Variants in PRKCA observed in about 807,000 individuals in gnomAD.
PRKCA encodes protein kinase C alpha type.
PRKCA carries 27 observed loss-of-function variants against 87.0 expected under a neutral mutation model. The observed-to-expected ratio is 0.31, with a 90% confidence interval of 0.23 to 0.43. The LOEUF is 0.43. Ranked by LOEUF, PRKCA falls within the 20% of genes least tolerant of loss-of-function variation. The pLI, the probability that PRKCA is intolerant of heterozygous loss-of-function variation, is 1.00. For missense variants in PRKCA, 518 were observed against 852.3 expected (o/e 0.61, Z 4.88); for synonymous variants, 329 against 311.1 (o/e 1.06, Z -0.61).
At position 66,792,347 on chromosome 17, in the gene PRKCA, G is replaced by A. The variant is rs1975561246; in HGVS notation, c.1854+3368G>A. On this transcript the variant is annotated intron_variant, in intron 16 of 16. Transcript: ENST00000413366. This position sits in a 1 kb window ranked among gnomAD's most constrained non-coding sequence, Gnocchi z 4.5. ...GATCAGATTGAGCTTGTAGGATCAG[G>A]AGTCTATCATCTTTGTTTTATTAAT... 6.6e-6 allele frequency among the ~76,000 whole-genome samples: 1 copy of A among 152,180 alleles called. No individual in the cohort carries two copies. The highest frequency in any genetic ancestry group is 1.9e-4 in the East Asian group (1 of 5,198).
intron 3 of PRKCA, among the ~76,000 whole-genome samples, chr17:66,512,400 C>A (rs1387866812): frequency 6.6e-6 from 1 of 151,976 alleles, no homozygotes; most frequent in Non-Finnish European, 1.5e-5. Context: ...CAAGATCACA[C>A]CACTGCACTC....
rs117614644 is a variant in PRKCA at position 66,549,514 on chromosome 17, G to A, written c.288+53231G>A. 1.6e-3 allele frequency among the ~76,000 whole-genome samples: 237 copies of A among 152,246 alleles called. 4 individuals carry two copies. The East Asian group carries it at 0.038, about 24-fold the overall frequency. ...TTGGTACCTCTCCAGGCCACGGGAC[G>A]GGAATGACAGTGCATTTGCCTGTGT... On this transcript the variant is annotated intron_variant, in intron 3 of 16. Transcript: ENST00000413366.
intron 2 of PRKCA, among the ~76,000 whole-genome samples, chr17:66,390,841 G>A (rs1910319979): frequency 6.6e-6 from 1 of 152,172 alleles, no homozygotes; most frequent in African/African-American, 2.4e-5. Context: ...CCTTGGAGAG[G>A]GAGGGCGGTG....
intron 16 of PRKCA, among the ~76,000 whole-genome samples, chr17:66,799,085 G>A (rs866773920): frequency 0.19 from 137 of 738 alleles, no homozygotes; most frequent in Non-Finnish European, 0.22. Flanking sequence ...GGTGGTGGTG[G>A]TGGTGGTGGT....
intron 16 of PRKCA, 35 bp downstream of exon 16, chr17:66,789,014 C>T: frequency 6.2e-7 from 1 of 1,612,966 alleles, no homozygotes; most frequent in East Asian, 2.2e-5. Context: ...TTCGGAACCC[C>T]ATGTCCCCAA....
At chr17:66,420,097 C>T (rs770218438) in intron 2 of PRKCA, among the ~76,000 whole-genome samples, 6 of 151,528 alleles carry the variant, frequency 4.0e-5, no homozygotes, top group Non-Finnish European at 8.8e-5. Flanking sequence ...CTGCAGCCTC[C>T]GCCTCCTGAG....
chr17:66,314,520 C>T lies in PRKCA; in HGVS notation c.205+8393C>T, dbSNP rs1449507076. Among the ~76,000 whole-genome samples the T allele has an allele frequency of 2.0e-5, 3 of 152,190 alleles. No individual in the cohort carries two copies. In the East Asian group the frequency reaches 5.8e-4, roughly 29 times the overall value. ...AGATAAGAATTATTTGAGAGCAAGT[C>T]CATCAAGTAAGATTAGCGTAAGGGC... is the stretch of plus-strand genomic sequence containing the variant. On this transcript the variant is annotated intron_variant, in intron 2 of 16. Coordinates refer to ENST00000413366, the MANE Select transcript of PRKCA (RefSeq NM_002737.3).
At chr17:66,584,761 C>A (rs534039780) in intron 3 of PRKCA, among the ~76,000 whole-genome samples, 1 of 152,158 alleles carries the variant, frequency 6.6e-6, no homozygotes, top group African/African-American at 2.4e-5. Context: ...AAATCCCCTT[C>A]GTCTTTCTGA....
chr17:66,739,580 A>C (rs532442879), intron 11 of PRKCA, among the ~76,000 whole-genome samples: 16 of 152,304 alleles, frequency 1.1e-4, no homozygotes, highest in African/African-American at 3.8e-4. Flanking sequence ...CTTGCGCAGG[A>C]TACCAGGATA....
chr17:66,368,386 ATTTTTTTTTTTTT>A (rs1180540465), intron 2 of PRKCA, among the ~76,000 whole-genome samples: 2 of 25,468 alleles, frequency 7.9e-5, no homozygotes, highest in African/African-American at 2.4e-4. Flanking sequence ...ATATATATAT[ATTTTTTTTTTTTT>A]TTTTTTTTTT....
At chr17:66,777,570 CTT>C (rs1312316021) in intron 14 of PRKCA, 3 of 985,026 alleles carry the variant, frequency 3.0e-6, no homozygotes. Flanking sequence ...ATTTCCCCCT[CTT>C]TAAAATTTTT....
chr17:66,461,918 C>T (rs113153197), intron 2 of PRKCA, among the ~76,000 whole-genome samples: 4,474 of 151,766 alleles, frequency 0.029, 100 homozygotes, highest in Non-Finnish European at 0.044. Flanking sequence ...ACTGGGGTTC[C>T]TAACTACCGA....
intron 3 of PRKCA, among the ~76,000 whole-genome samples, chr17:66,521,752 G>A (rs944931749): frequency 6.6e-6 from 1 of 152,168 alleles, no homozygotes. Flanking sequence ...CAAATATCTT[G>A]TAGAGAATAA....
chr17:66,794,713 C>T (rs1975626799), intron 16 of PRKCA, among the ~76,000 whole-genome samples: 1 of 151,622 alleles, frequency 6.6e-6, no homozygotes, highest in South Asian at 2.1e-4. Context: ...CTCCACCTCC[C>T]AGGTTCAAGC....
At chr17:66,581,841 AT>A (rs1160800508) in intron 3 of PRKCA, among the ~76,000 whole-genome samples, 7 of 152,200 alleles carry the variant, frequency 4.6e-5, no homozygotes, top group Non-Finnish European at 8.8e-5. Context: ...TTCTTAGTAA[AT>A]ATGGGCAACA....
intron 2 of PRKCA, among the ~76,000 whole-genome samples, chr17:66,403,145 C>T (rs1183807184): frequency 1.3e-5 from 2 of 152,176 alleles, no homozygotes; most frequent in Non-Finnish European, 2.9e-5. Flanking sequence ...TAAATGATAG[C>T]ATGCCCTCCA....
chr17:66,327,793 T>TGG (rs1906076493), intron 2 of PRKCA, among the ~76,000 whole-genome samples: 1 of 152,184 alleles, frequency 6.6e-6, no homozygotes, highest in Non-Finnish European at 1.5e-5. Context: ...GTCTGAAATT[T>TGG]TAGGTGACTA....
intron 14 of PRKCA, among the ~76,000 whole-genome samples, chr17:66,784,467 G>A (rs1421693704): frequency 6.6e-6 from 1 of 152,150 alleles, no homozygotes; most frequent in Admixed American, 6.5e-5. Context: ...GGCTGGTCTT[G>A]AACTCCTGAC....
chr17:66,810,524 G>GT lies in PRKCA; in HGVS notation c.*6492dup, dbSNP rs1433365959. 4 of 152,152 alleles carry GT rather than the reference G, an allele frequency of 2.6e-5. No homozygotes were observed. Among genetic ancestry groups the GT allele is most frequent in the Non-Finnish European group, 5.9e-5 (4 of 68,028 alleles). 9.4% of individuals were successfully genotyped at this position (152,152 alleles called of 1,614,324 possible). ...TTTGGAGGAAGAGACGGAGGTTGAGGTTTTTCCTTCTGTATAAGCACCTAC... is the reference window on the plus strand; with the variant it reads ...TTTGGAGGAAGAGACGGAGGTTGAGGTTTTTTCCTTCTGTATAAGCACCTAC... On this transcript the variant is annotated 3_prime_UTR_variant, in exon 17 of 17. Transcript: ENST00000413366.
Sources: allele counts gnomAD v4.1 joint callset (sites outside exome capture counted in the v4.1 genomes callset), GRCh38; gene constraint gnomAD v4.1.1; non-coding constraint Gnocchi (gnomAD v3.1); transcripts MANE v1.5; gene names NCBI Gene and HGNC (gene_info 2026-07-23, HGNC 2026-07-21).